The following SUGCT variants were observed in gnomAD, a reference collection of about 807,000 sequenced individuals.
SUGCT encodes succinyl-CoA:glutarate-CoA transferase, also known as succinyl-CoA:glutarate CoA-transferase.
A neutral mutation model predicts 55.0 loss-of-function variants in SUGCT; 41 were observed. That is an observed-to-expected ratio of 0.74 (90% CI 0.58 to 0.97). The LOEUF (loss-of-function observed/expected upper bound fraction) is 0.97, where lower values mean the gene tolerates loss of function less well. Among genes scored for constraint, SUGCT ranks in the 50% least tolerant of loss-of-function variants. The pLI is 0.00. For synonymous variants in SUGCT, 187 were observed against 200.4 expected, an observed-to-expected ratio of 0.93 and a Z score of 0.56; for missense variants, 568 against 547.8, an observed-to-expected ratio of 1.04 and a Z score of -0.37.
the SUGCT span, among the ~76,000 whole-genome samples, chr7:40,908,037 T>G: frequency 7.9e-5 from 12 of 151,790 alleles, no homozygotes; most frequent in African/African-American, 2.9e-4. Context: ...ACATCCAACC[T>G]CAACCTAACA....
rs202125224 is a variant in SUGCT, at chr7:40,245,404, C to CATATATATATATAT, written c.576+7685_576+7698dup. On this transcript the variant is annotated intron_variant, in intron 7 of 13. Transcript: ENST00000335693. ...TAAATTTTTATAGGTACGTAGTAGA[C>CATATATATATATAT]ATATATATATATATATATATTTTTT... Among the ~76,000 whole-genome samples the CATATATATATATAT allele has an allele frequency of 4.7e-3, 248 of 53,138 alleles. 7 individuals carry two copies. The highest frequency in any genetic ancestry group is 0.011 in the African/African-American group (119 of 10,770). 34.9% of individuals were successfully genotyped at this position (53,138 alleles called of 152,430 possible).
At chr7:40,328,747 G>A (rs1388130263) in intron 9 of SUGCT, among the ~76,000 whole-genome samples, 1 of 151,820 alleles carries the variant, frequency 6.6e-6, no homozygotes, top group Non-Finnish European at 1.5e-5. Context: ...GTGTATGTGT[G>A]TGCATGTGTG....
At chr7:40,316,950 C>G in intron 9 of SUGCT, 95 bp downstream of exon 9, 1 of 220,430 alleles carries the variant, frequency 4.5e-6, no homozygotes, top group East Asian at 7.0e-5. Context: ...ACAAATCCTT[C>G]AGCTGTTTTT....
intron 8 of SUGCT, among the ~76,000 whole-genome samples, chr7:40,277,520 T>G (rs1040965028): frequency 6.6e-6 from 1 of 152,114 alleles, no homozygotes; most frequent in African/African-American, 2.4e-5. Context: ...GAGTTCTGTT[T>G]CTTTATTCAT....
intron 9 of SUGCT, among the ~76,000 whole-genome samples, chr7:40,360,680 A>G (rs1449703973): frequency 6.6e-6 from 1 of 152,226 alleles, no homozygotes; most frequent in Admixed American, 6.5e-5. Flanking sequence ...CAGGTGAGGC[A>G]GAGATGAAGG....
At chr7:40,205,857 C>A (rs1786946833) in intron 6 of SUGCT, among the ~76,000 whole-genome samples, 1 of 151,972 alleles carries the variant, frequency 6.6e-6, no homozygotes, top group Non-Finnish European at 1.5e-5. Context: ...AGCTGTTTTT[C>A]TACATATTCT....
At chr7:40,863,976 C>G (rs950310536), downstream of SUGCT, among the ~76,000 whole-genome samples, 9 of 152,050 alleles carry the variant, frequency 5.9e-5, no homozygotes, top group Non-Finnish European at 1.0e-4. Flanking sequence ...AATTAAAAAC[C>G]CATCACAGAG....
rs118012878 is a variant in SUGCT at position 40,242,052 on chromosome 7, C to G, written c.576+4326C>G. Among the ~76,000 whole-genome samples the G allele has an allele frequency of 3.2e-4, 49 of 152,018 alleles. 1 individual carries two copies. In the East Asian group the frequency reaches 8.9e-3, roughly 28 times the overall value. On this transcript the variant is annotated intron_variant, in intron 7 of 13. Transcript: ENST00000335693. ...AGATTAGATTATATTTGATTACGGA[C>G]AAAGAGAGAATCTATTTTGAATTCC...
chr7:40,881,733 C>T, the SUGCT span, among the ~76,000 whole-genome samples: 1 of 152,198 alleles, frequency 6.6e-6, no homozygotes, highest in African/African-American at 2.4e-5. Context: ...CTGGCTTCTA[C>T]CACACAGTGT....
At chr7:40,336,475 G>A (rs1358910909) in intron 9 of SUGCT, among the ~76,000 whole-genome samples, 2 of 152,100 alleles carry the variant, frequency 1.3e-5, no homozygotes, top group East Asian at 3.9e-4. Context: ...GTTTAGTCTT[G>A]GGAGGGTGTA....
At chr7:40,552,438 C>A (rs1042046097) in intron 12 of SUGCT, among the ~76,000 whole-genome samples, 3 of 152,122 alleles carry the variant, frequency 2.0e-5, no homozygotes, top group South Asian at 4.1e-4. Context: ...GGAGTCCCTG[C>A]ACCTGGGCTC....
At chr7:40,417,636 T>C (rs1309353988) in intron 9 of SUGCT, among the ~76,000 whole-genome samples, 1 of 151,856 alleles carries the variant, frequency 6.6e-6, no homozygotes, top group African/African-American at 2.4e-5. Flanking sequence ...AAAAATGTTC[T>C]ATGGGCCTGA....
chr7:40,639,501 A>AT (rs1409365745), intron 12 of SUGCT, among the ~76,000 whole-genome samples: 1 of 150,392 alleles, frequency 6.6e-6, no homozygotes, highest in Non-Finnish European at 1.5e-5. Flanking sequence ...GTAATAATAT[A>AT]TGCTTTTTCA....
At chr7:40,179,438 C>CGT (rs1407891802) in intron 1 of SUGCT, among the ~76,000 whole-genome samples, 1 of 152,082 alleles carries the variant, frequency 6.6e-6, no homozygotes, top group Non-Finnish European at 1.5e-5. Context: ...GGATTACAGG[C>CGT]GTGCGTCACC....
intron 1 of SUGCT, among the ~76,000 whole-genome samples, chr7:40,172,998 C>T (rs549969941): frequency 2.6e-5 from 4 of 152,294 alleles, no homozygotes; most frequent in African/African-American, 9.6e-5. Flanking sequence ...GACGAGGCCA[C>T]CAAATGTTAC....
intron 12 of SUGCT, among the ~76,000 whole-genome samples, chr7:40,616,164 T>C (rs187289525): frequency 5.9e-5 from 9 of 152,302 alleles, no homozygotes; most frequent in Non-Finnish European, 1.2e-4. Context: ...CTTTATTCTT[T>C]GAAGAAACCA....
intron 12 of SUGCT, among the ~76,000 whole-genome samples, chr7:40,609,550 C>CAAAAAAAAAAAAAA: frequency 1.4e-5 from 1 of 70,848 alleles, no homozygotes. Flanking sequence ...GACTCCATCT[C>CAAAAAAAAAAAAAA]AAAAAAAAAA....
the SUGCT span, among the ~76,000 whole-genome samples, chr7:40,931,201 T>C: frequency 6.6e-6 from 1 of 152,222 alleles, no homozygotes; most frequent in African/African-American, 2.4e-5. Context: ...TATCATTGGT[T>C]CTGTTTATAT....
chr7:40,776,365 G>A (rs1344169693), intron 13 of SUGCT, among the ~76,000 whole-genome samples: 8 of 152,168 alleles, frequency 5.3e-5, no homozygotes, highest in Admixed American at 2.6e-4. Context: ...GGGTTTTGTT[G>A]GTGTCTTTTT....
Sources: gnomAD v4.1 joint callset for allele counts (sites outside exome capture counted in the v4.1 genomes callset) on GRCh38, gnomAD v4.1.1 for gene constraint, MANE v1.5 for transcripts, NCBI Gene and HGNC (gene_info 2026-07-23, HGNC 2026-07-21) for gene names.